RBFOX1: variants seen among roughly 807,000 people sequenced by gnomAD.
The protein encoded by RBFOX1 is RNA binding fox-1 homolog 1.
Under a neutral mutation model 57.7 loss-of-function variants are expected in RBFOX1, and 8 were observed. The ratio of observed to expected loss-of-function variants is 0.14; its 90% CI spans 0.08 to 0.25. RBFOX1 has a LOEUF of 0.25. RBFOX1 is among the 10% of genes least tolerant of loss of function. The probability of loss-of-function intolerance (pLI) is 1.00; values close to 1 mark genes in which losing one functional copy is unlikely to be tolerated. For synonymous variants in RBFOX1, 326 were observed against 222.4 expected, an observed-to-expected ratio of 1.47 and a Z score of -4.15; for missense variants, 611 against 548.5, an observed-to-expected ratio of 1.11 and a Z score of -1.14.
intron 3 of RBFOX1, among the ~76,000 whole-genome samples, chr16:6,825,404 CAG>C (rs1423941224): frequency 6.6e-6 from 1 of 151,802 alleles, no homozygotes; most frequent in East Asian, 1.9e-4. Flanking sequence ...ACGGAAAAGC[CAG>C]AGATTATTCA....
intron 2 of RBFOX1, among the ~76,000 whole-genome samples, chr16:6,482,626 G>T (rs1047902814): frequency 6.6e-6 from 1 of 152,166 alleles, no homozygotes; most frequent in Non-Finnish European, 1.5e-5. Context: ...AAACCTCAGC[G>T]CATTCTCATT....
At position 7,264,627 on chromosome 16, in the gene RBFOX1, T is replaced by G. The variant is rs150023258; in HGVS notation, c.27+212529T>G. On this transcript the variant is annotated intron_variant, in intron 4 of 15. Coordinates refer to ENST00000550418, the MANE Select transcript of RBFOX1 (RefSeq NM_018723.4). ...TAGTTGTATTACAATAAAATTTGAT[T>G]TATGGACACTGGAATTTGCATTTCA... Among the ~76,000 whole-genome samples the G allele has an allele frequency of 4.5e-3, 684 of 152,350 alleles. 5 individuals are homozygous for G. Among genetic ancestry groups the G allele is most frequent in the African/African-American group, 0.016 (653 of 41,578 alleles).
chr16:6,938,108 T>C (rs887143424), intron 3 of RBFOX1, among the ~76,000 whole-genome samples: 1 of 152,060 alleles, frequency 6.6e-6, no homozygotes, highest in East Asian at 1.9e-4. Flanking sequence ...TCACATACCT[T>C]AAAAAAGGAA....
intron 4 of RBFOX1, among the ~76,000 whole-genome samples, chr16:5,876,615 AT>A (rs1255016692): frequency 6.6e-6 from 1 of 152,134 alleles, no homozygotes; most frequent in African/African-American, 2.4e-5. Flanking sequence ...CTGTTTTAAG[AT>A]TTTTTGAGTG....
chr16:6,066,497 A>G (rs11643167), intron 1 of RBFOX1, among the ~76,000 whole-genome samples: 141,058 of 151,992 alleles, frequency 0.93, 65,512 homozygotes, highest in African/African-American at 0.96. Flanking sequence ...ATGGGAATAC[A>G]TGCAGTAAGG....
At chr16:7,333,351 A>T (rs573660539) in intron 4 of RBFOX1, among the ~76,000 whole-genome samples, 1 of 152,302 alleles carries the variant, frequency 6.6e-6, no homozygotes, top group South Asian at 2.1e-4. Flanking sequence ...TAGCTTCAGG[A>T]GGTTGACCAC....
chr16:5,522,099 C>T (rs1021544071), intron 2 of RBFOX1, among the ~76,000 whole-genome samples: 8 of 152,226 alleles, frequency 5.3e-5, no homozygotes, highest in Non-Finnish European at 1.2e-4. Flanking sequence ...GGCAGCCAGG[C>T]TCTCTGGAGT....
chr16:6,300,613 T>C (rs2078700967), intron 1 of RBFOX1, among the ~76,000 whole-genome samples: 1 of 152,212 alleles, frequency 6.6e-6, no homozygotes, highest in Non-Finnish European at 1.5e-5. Context: ...TAGTTTCATC[T>C]TTCCAATTTC....
chr16:7,451,026 A>G (rs1322528448), intron 4 of RBFOX1, among the ~76,000 whole-genome samples: 1 of 152,044 alleles, frequency 6.6e-6, no homozygotes, highest in Non-Finnish European at 1.5e-5. Flanking sequence ...TTCGCTTCTG[A>G]GTGGTAAACT....
intron 2 of RBFOX1, among the ~76,000 whole-genome samples, chr16:6,637,000 A>T (rs1157639430): frequency 8.1e-6 from 1 of 124,198 alleles, no homozygotes; most frequent in Non-Finnish European, 1.6e-5. Flanking sequence ...TTATGTATAA[A>T]ATATGTATAA....
intron 2 of RBFOX1, among the ~76,000 whole-genome samples, chr16:5,573,285 C>T (rs115424994): frequency 0.016 from 2,488 of 152,232 alleles, 34 homozygotes; most frequent in Middle Eastern, 0.037. Flanking sequence ...CCCTTCCCCA[C>T]GGCCTCGGGT....
intron 2 of RBFOX1, among the ~76,000 whole-genome samples, chr16:5,547,636 C>T (rs1010443259): frequency 6.6e-6 from 1 of 152,116 alleles, no homozygotes; most frequent in African/African-American, 2.4e-5. Context: ...GGAGAGATTA[C>T]AGAGAGGCAC....
intron 4 of RBFOX1, among the ~76,000 whole-genome samples, chr16:7,275,597 C>G (rs567485752): frequency 2.6e-5 from 4 of 152,188 alleles, no homozygotes; most frequent in African/African-American, 9.6e-5. Flanking sequence ...GGAAAGCCTG[C>G]TAATTTAGAT....
At chr16:7,359,774 G>C (rs969934545) in intron 4 of RBFOX1, among the ~76,000 whole-genome samples, 2 of 152,112 alleles carry the variant, frequency 1.3e-5, no homozygotes, top group African/African-American at 4.8e-5. Context: ...CACAAGTTCA[G>C]GAGATCGAGA....
chr16:6,021,857 T>C (rs2095086006), intron 1 of RBFOX1, among the ~76,000 whole-genome samples: 1 of 152,238 alleles, frequency 6.6e-6, no homozygotes, highest in Non-Finnish European at 1.5e-5. Context: ...GTAAATTACT[T>C]AAAGCACTAA....
intron 3 of RBFOX1, among the ~76,000 whole-genome samples, chr16:6,922,432 C>G (rs978508637): frequency 6.6e-6 from 1 of 152,204 alleles, no homozygotes; most frequent in Non-Finnish European, 1.5e-5. Context: ...GCAGTGAGCA[C>G]TTCCAGGCTG....
chr16:7,566,350 T>C (rs1215345730), intron 5 of RBFOX1, among the ~76,000 whole-genome samples: 1 of 152,098 alleles, frequency 6.6e-6, no homozygotes, highest in Non-Finnish European at 1.5e-5. Context: ...ACATAGGCAG[T>C]TAGGGTTTCT....
At chr16:5,258,189 T>A (rs552536007) in intron 1 of RBFOX1, among the ~76,000 whole-genome samples, 10 of 152,262 alleles carry the variant, frequency 6.6e-5, no homozygotes, top group South Asian at 2.1e-4. Flanking sequence ...GCCAAGGTTT[T>A]TTATTATTAT....
rs146754796 is a variant in RBFOX1 at position 5,780,048 on chromosome 16, G to A, written c.319-87255G>A. On this transcript the variant is annotated intron_variant, in intron 3 of 19. Coordinates refer to the RBFOX1 transcript ENST00000641259. ...AGACGGAGTCTTGCTGTGTCGCCCC[G>A]GCTGGAGTGTAGTGGCACAATCTCG... Among the ~76,000 whole-genome samples the A allele has an allele frequency of 9.1e-3, 1,382 of 152,294 alleles. 12 individuals carry two copies. The highest frequency in any genetic ancestry group is 0.017 in the Middle Eastern group (5 of 294).
Sources: gnomAD v4.1 joint callset for allele counts (sites outside exome capture counted in the v4.1 genomes callset) on GRCh38, gnomAD v4.1.1 for gene constraint, MANE v1.5 for transcripts, NCBI Gene and HGNC (gene_info 2026-07-23, HGNC 2026-07-21) for gene names.